The following WDR41 variants were observed in gnomAD, a reference collection of about 807,000 sequenced individuals.
WDR41 encodes WD repeat domain 41.
In WDR41, 63 loss-of-function variants were observed where a neutral mutation model predicts 69.3. The ratio of observed to expected loss-of-function variants is 0.91; its 90% confidence interval spans 0.74 to 1.12. The LOEUF (loss-of-function observed/expected upper bound fraction) is 1.12, where lower values mean the gene tolerates loss of function less well. WDR41 is among the 50% of genes most tolerant of loss of function. The pLI is 0.00. For synonymous variants in WDR41, 185 were observed against 192.1 expected (o/e 0.96, Z 0.31); for missense variants, 543 against 534.5 (o/e 1.02, Z -0.16).
At chr5:77,486,613 A>T (rs886176437) in intron 2 of WDR41, among the ~76,000 whole-genome samples, 4 of 152,210 alleles carry the variant, frequency 2.6e-5, no homozygotes, top group Middle Eastern at 3.2e-3. Context: ...TTCTGCTGCT[A>T]TTAGAACTCC....
intron 1 of WDR41, among the ~76,000 whole-genome samples, chr5:77,500,907 T>C (rs1393203532): frequency 6.6e-6 from 1 of 152,198 alleles, no homozygotes; most frequent in Admixed American, 6.5e-5. Context: ...TTCAGGAGGT[T>C]CCAAGATGGA....
Position 77,431,450 on chromosome 5 carries a change from G to T in WDR41, c.*1685C>A, listed in dbSNP as rs1162319396. 6.6e-6 allele frequency: 1 copy of T among 152,142 alleles called. No individual in the cohort carries two copies. The highest frequency in any genetic ancestry group is 6.5e-5 in the Admixed American group (1 of 15,282). The allele number at this position is 152,142 out of a possible 1,614,324, so 9.4% of individuals were successfully genotyped here. On this transcript the variant is annotated 3_prime_UTR_variant, in exon 13 of 13. Coordinates refer to ENST00000296679, the MANE Select transcript of WDR41 (RefSeq NM_018268.4). The stretch of plus-strand genomic sequence containing the variant: ...TATAAACACAAGTTTTATAGGCACT[G>T]GGAAACCAAAAACTAGATGTGACTC...
In WDR41 at chr5:77,593,882, C is replaced by G. The variant is rs1744173496; in HGVS notation, c.42+26597G>C. Among the ~76,000 whole-genome samples, 5 of 152,066 alleles carry G rather than the reference C, an allele frequency of 3.3e-5. No homozygotes were observed. In the South Asian group the frequency reaches 1.0e-3, roughly 31 times the overall value. On this transcript the variant is annotated intron_variant, in intron 1 of 5. Transcript: ENST00000509971. The stretch of plus-strand genomic sequence containing the variant: ...CATTCAAACAGACAATTAGAGCTAA[C>G]AGAAAGTCTATTTTATTCATAAGTT...
At chr5:77,466,918 T>TA (rs1800333451) in intron 2 of WDR41, among the ~76,000 whole-genome samples, 2 of 151,448 alleles carry the variant, frequency 1.3e-5, no homozygotes, top group Non-Finnish European at 3.0e-5. Context: ...GTACCTGTCA[T>TA]AAAAAAACTA....
At chr5:77,451,089 TACTGATTAAAAC>T (rs1799611116) in intron 7 of WDR41, among the ~76,000 whole-genome samples, 190 bp downstream of exon 7, 1 of 152,144 alleles carries the variant, frequency 6.6e-6, no homozygotes, top group Admixed American at 6.6e-5. Flanking sequence ...CAAGCTAACA[TACTGATTAAAAC>T]ACTGATAAGA....
chr5:77,612,285 A>C (rs1035474075), intron 1 of WDR41, among the ~76,000 whole-genome samples: 6 of 152,188 alleles, frequency 3.9e-5, no homozygotes, highest in Non-Finnish European at 7.4e-5. Context: ...CTTCCTAACT[A>C]ATTTTATGAG....
intron 1 of WDR41, among the ~76,000 whole-genome samples, chr5:77,512,331 T>TGAGAGAGAGAGACAGAGAGA (rs59306558): frequency 1.1e-5 from 1 of 87,934 alleles, no homozygotes. Flanking sequence ...ATGGGGTGAG[T>TGAGAGAGAGAGACAGAGAGA]GAGAGAGAGA....
chr5:77,511,135 TATC>T (rs1261434130), intron 1 of WDR41, among the ~76,000 whole-genome samples: 1 of 152,190 alleles, frequency 6.6e-6, no homozygotes, highest in Non-Finnish European at 1.5e-5. Context: ...AAGTGTTACT[TATC>T]ATAATTTTTA....
rs1423432082 is a variant in WDR41, at chr5:77,431,963, C to CCTTGCAATTGCACCTTACCAGTGCAAG, written c.*1171_*1172insCTTGCACTGGTAAGGTGCAATTGCAAG. ...CTACAGATTTAATTGCAAGGCCTTACTGCACTGGGCCTCAGTTTCCTCATT... is the reference window on the plus strand; with the variant it reads ...CTACAGATTTAATTGCAAGGCCTTACCTTGCAATTGCACCTTACCAGTGCAAGTGCACTGGGCCTCAGTTTCCTCATT... On this transcript the variant is annotated 3_prime_UTR_variant, in exon 13 of 13. Coordinates refer to ENST00000296679, the MANE Select transcript of WDR41 (RefSeq NM_018268.4). 6 of 152,330 alleles carry CCTTGCAATTGCACCTTACCAGTGCAAG rather than the reference C, an allele frequency of 3.9e-5. No individual in the cohort carries two copies. Among genetic ancestry groups the CCTTGCAATTGCACCTTACCAGTGCAAG allele is most frequent in the African/African-American group, 1.2e-4 (5 of 41,576 alleles). The allele number at this position is 152,330 out of a possible 1,614,324, so 9.4% of individuals were successfully genotyped here. A position where few individuals can be genotyped will look rare whatever the true frequency, so the allele number is the denominator to read the frequency against.
At chr5:77,504,371 C>A (rs565684076) in intron 1 of WDR41, among the ~76,000 whole-genome samples, 36 of 152,164 alleles carry the variant, frequency 2.4e-4, no homozygotes, top group Non-Finnish European at 3.1e-4. Flanking sequence ...CTGAAATTGA[C>A]GCAATAATTA....
Position 77,441,962 on chromosome 5 carries a change from A to G in WDR41, c.698-965T>C, listed in dbSNP as rs1368167689. On this transcript the variant is annotated intron_variant, in intron 8 of 12. Coordinates refer to ENST00000296679, the MANE Select transcript of WDR41 (RefSeq NM_018268.4). ...GAAAAGATGTTCAACTCCTTTAATA[A>G]TCAAAGAAATCTAAAAACAAGGAGA... Among the ~76,000 whole-genome samples the G allele has an allele frequency of 2.0e-5, 3 of 152,236 alleles. No individual in the cohort carries two copies. The East Asian group carries it at 5.8e-4, about 29-fold the overall frequency.
intron 1 of WDR41, among the ~76,000 whole-genome samples, chr5:77,511,137 T>C (rs985299189): frequency 6.6e-6 from 1 of 152,202 alleles, no homozygotes; most frequent in African/African-American, 2.4e-5. Flanking sequence ...GTGTTACTTA[T>C]CATAATTTTT....
chr5:77,442,908 A>AAAAAAAAAAAAAG lies in WDR41; in HGVS notation c.698-1912_698-1911insCTTTTTTTTTTTT, dbSNP rs1267471188. On this transcript the variant is annotated intron_variant, in intron 8 of 12. Transcript: ENST00000296679. ...CTCTGTCTCCCCAAAAAAAAAAAAAAAAAAAGGATTTTTTTCCATTTTACA... is the reference window on the plus strand; with the variant it reads ...CTCTGTCTCCCCAAAAAAAAAAAAAAAAAAAAAAAAAAGAAAAAGGATTTTTTTCCATTTTACA... Among the ~76,000 whole-genome samples, 6 of 148,714 alleles carry AAAAAAAAAAAAAG rather than the reference A, an allele frequency of 4.0e-5. No homozygotes were observed. The East Asian group carries it at 9.8e-4, about 24-fold the overall frequency.
intron 8 of WDR41, among the ~76,000 whole-genome samples, chr5:77,441,767 G>A (rs1264524215): frequency 6.6e-6 from 1 of 150,416 alleles, no homozygotes; most frequent in African/African-American, 2.5e-5. Flanking sequence ...CAAATACACT[G>A]AAATGACAAA....
intron 1 of WDR41, among the ~76,000 whole-genome samples, chr5:77,597,347 A>G (rs1744245333): frequency 6.6e-6 from 1 of 152,198 alleles, no homozygotes; most frequent in African/African-American, 2.4e-5. Context: ...TACTTTGAAT[A>G]TTAATGAGTG....
At chr5:77,616,054 T>C (rs529597811) in intron 1 of WDR41, among the ~76,000 whole-genome samples, 1 of 150,990 alleles carries the variant, frequency 6.6e-6, no homozygotes, top group East Asian at 1.9e-4. Flanking sequence ...GTCTCCAAAG[T>C]AAAATTAAAT....
intron 1 of WDR41, among the ~76,000 whole-genome samples, chr5:77,499,010 A>G (rs903762962): frequency 6.6e-6 from 1 of 152,198 alleles, no homozygotes; most frequent in Non-Finnish European, 1.5e-5. Flanking sequence ...AAATATTTGC[A>G]AATTAGGTAG....
At chr5:77,581,298 C>A (rs1047381491) in intron 1 of WDR41, among the ~76,000 whole-genome samples, 3 of 152,034 alleles carry the variant, frequency 2.0e-5, no homozygotes, top group Non-Finnish European at 4.4e-5. Context: ...GTCAATCTAC[C>A]ATGAAGATAT....
At chr5:77,588,459 T>G (rs756437582) in intron 1 of WDR41, among the ~76,000 whole-genome samples, 26 of 152,200 alleles carry the variant, frequency 1.7e-4, no homozygotes, top group Non-Finnish European at 4.4e-5. Flanking sequence ...TTTTTGTGTG[T>G]AACATAAGAT....
Sources: allele counts gnomAD v4.1 joint callset (sites outside exome capture counted in the v4.1 genomes callset), GRCh38; gene constraint gnomAD v4.1.1; transcripts MANE v1.5; gene names NCBI Gene and HGNC (gene_info 2026-07-23, HGNC 2026-07-21).